Variants in NOVA1 observed in about 807,000 individuals in gnomAD.
NOVA1 encodes NOVA alternative splicing regulator 1.
A neutral mutation model predicts 38.0 loss-of-function variants in NOVA1; 7 were observed. The observed-to-expected ratio is 0.18, with a 90% CI of 0.10 to 0.35. NOVA1 has a LOEUF of 0.35. Among genes scored for constraint, NOVA1 ranks in the 10% least tolerant of loss-of-function variants. The pLI, the probability that NOVA1 is intolerant of heterozygous loss-of-function variation, is 1.00. For synonymous variants in NOVA1, 270 were observed against 232.5 expected (o/e 1.16, Z -1.47); for missense variants, 460 against 616.0 (o/e 0.75, Z 2.68).
chr14:26,584,767 C>A (rs1416736874), intron 2 of NOVA1, among the ~76,000 whole-genome samples: 2 of 151,434 alleles, frequency 1.3e-5, no homozygotes, highest in Non-Finnish European at 3.0e-5. Context: ...AGCTCCTCTT[C>A]GAAGTCTTCT....
At chr14:26,509,119 C>T (rs1887862149) in intron 2 of NOVA1, among the ~76,000 whole-genome samples, 1 of 152,028 alleles carries the variant, frequency 6.6e-6, no homozygotes, top group African/African-American at 2.4e-5. Flanking sequence ...TACAGAATAT[C>T]GCCTTATATT....
At chr14:26,569,175 C>G (rs1892319118) in intron 2 of NOVA1, among the ~76,000 whole-genome samples, 1 of 152,116 alleles carries the variant, frequency 6.6e-6, no homozygotes, top group African/African-American at 2.4e-5. Flanking sequence ...GCAGAACTGT[C>G]AGATAGAGTA....
chr14:26,515,509 G>A (rs2138476284), intron 2 of NOVA1, among the ~76,000 whole-genome samples: 1 of 152,076 alleles, frequency 6.6e-6, no homozygotes, highest in East Asian at 1.9e-4. Context: ...TATGCAAACA[G>A]AGACTCCAAA....
chr14:26,518,237 C>G (rs1445892382), intron 2 of NOVA1, among the ~76,000 whole-genome samples: 1 of 151,932 alleles, frequency 6.6e-6, no homozygotes, highest in Non-Finnish European at 1.5e-5. Flanking sequence ...ATTTCATTTT[C>G]ACAAACACTG....
rs185459954 is a variant in NOVA1 at position 26,461,723 on chromosome 14, G to A, written c.519+10597C>T. On this transcript the variant is annotated intron_variant, in intron 4 of 4. Coordinates refer to ENST00000539517, the MANE Select transcript of NOVA1 (RefSeq NM_002515.3). ...GCGGGCAGATCACCTGAGGTCGAGA[G>A]TTCAAGACCAGCCTGACCAACATGG... 1.5e-4 allele frequency among the ~76,000 whole-genome samples: 22 copies of A among 147,140 alleles called. No homozygotes were observed. In the East Asian group the frequency reaches 4.5e-3, roughly 30 times the overall value.
intron 2 of NOVA1, among the ~76,000 whole-genome samples, chr14:26,534,590 C>T: frequency 6.6e-6 from 1 of 151,848 alleles, no homozygotes; most frequent in South Asian, 2.1e-4. Context: ...TCAATAAAAT[C>T]AATGGAAATA....
chr14:26,535,408 A>G (rs1889993551), intron 2 of NOVA1, among the ~76,000 whole-genome samples: 1 of 152,176 alleles, frequency 6.6e-6, no homozygotes, highest in Non-Finnish European at 1.5e-5. Flanking sequence ...GAAATGTAGC[A>G]ATATACCAGA....
intron 2 of NOVA1, among the ~76,000 whole-genome samples, chr14:26,482,027 T>C (rs775324542): frequency 8.9e-6 from 1 of 111,892 alleles, no homozygotes; most frequent in Non-Finnish European, 1.7e-5. Context: ...TGGCTCTAAA[T>C]AACTAAAGAG....
chr14:26,528,734 A>G (rs1053825740), intron 2 of NOVA1, among the ~76,000 whole-genome samples: 2 of 152,204 alleles, frequency 1.3e-5, no homozygotes, highest in Non-Finnish European at 2.9e-5. Flanking sequence ...AACAAGCCAC[A>G]TAACAAGATT....
rs771515717 is a variant in NOVA1 at position 26,493,168 on chromosome 14, G to A, written c.281-13025C>T. ...AATTATTATAGAATTATAAATTAAA[G>A]AATATCAGAATATCTTAAGAGTTAT... On this transcript the variant is annotated intron_variant, in intron 2 of 4. Coordinates refer to ENST00000539517, the MANE Select transcript of NOVA1 (RefSeq NM_002515.3). Among the ~76,000 whole-genome samples the A allele has an allele frequency of 3.6e-4, 54 of 151,984 alleles. 1 individual carries two copies. The highest frequency in any genetic ancestry group is 6.9e-4 in the Non-Finnish European group (47 of 68,006).
chr14:26,466,090 C>T (rs1884109149), intron 4 of NOVA1, among the ~76,000 whole-genome samples: 1 of 151,966 alleles, frequency 6.6e-6, no homozygotes, highest in Admixed American at 6.6e-5. Flanking sequence ...AAGCAGATCT[C>T]TATGGTAAGA....
chr14:26,448,045 C>T lies in NOVA1; in HGVS notation c.1438G>A (p.Ala480Thr). 1 of 1,614,208 alleles carries T rather than the reference C, an allele frequency of 6.2e-7. No individual in the cohort carries two copies. The highest frequency in any genetic ancestry group is 8.5e-7 in the Non-Finnish European group (1 of 1,180,040). ...ATTAAATATTGAGCAGCCTGTGTTG[C>T]AGCTGGTGTTCCAGTAATGGTTACC... The part of the protein sequence containing the change: ...RKVTITGTPA[A>T]TQAAQYLITQ... The change falls in exon 5 of 5, where the codon GCA becomes ACA. Residue 480 changes from alanine (A) to threonine (T), a missense_variant. Ala to Thr is a moderately conservative substitution (Grantham distance 58). Coordinates refer to ENST00000539517, the MANE Select transcript of NOVA1 (RefSeq NM_002515.3). The surrounding 1 kb of genome is among the most constrained non-coding windows in gnomAD (Gnocchi z 5.3).
chr14:26,485,312 G>C (rs952708979), intron 2 of NOVA1, among the ~76,000 whole-genome samples: 1 of 152,028 alleles, frequency 6.6e-6, no homozygotes, highest in Non-Finnish European at 1.5e-5. Context: ...TATAAAGCCA[G>C]TAAATCTCTC....
intron 2 of NOVA1, among the ~76,000 whole-genome samples, chr14:26,594,998 A>G (rs2138827406): frequency 6.6e-6 from 1 of 152,178 alleles, no homozygotes; most frequent in South Asian, 2.1e-4. Flanking sequence ...TTCAGAAGTA[A>G]ATGGTCCATT....
At chr14:26,517,257 C>A (rs949592897) in intron 2 of NOVA1, among the ~76,000 whole-genome samples, 1 of 152,122 alleles carries the variant, frequency 6.6e-6, no homozygotes, top group Admixed American at 6.6e-5. Context: ...GCTACACCAG[C>A]CTTCTTGAAG....
chr14:26,501,551 T>C (rs1401267817), intron 2 of NOVA1, among the ~76,000 whole-genome samples: 1 of 151,964 alleles, frequency 6.6e-6, no homozygotes, highest in Non-Finnish European at 1.5e-5. Flanking sequence ...GCAATACATA[T>C]GAAGTATAAA....
intron 2 of NOVA1, among the ~76,000 whole-genome samples, chr14:26,523,503 C>T (rs1384675197): frequency 6.6e-6 from 1 of 152,100 alleles, no homozygotes; most frequent in African/African-American, 2.4e-5. Context: ...GTATGGCAAA[C>T]ATTGCCGAGA....
At chr14:26,557,341 A>T in intron 2 of NOVA1, among the ~76,000 whole-genome samples, 1 of 152,116 alleles carries the variant, frequency 6.6e-6, no homozygotes, top group East Asian at 1.9e-4. Context: ...GAACAACAGA[A>T]GGAAATTGCT....
At chr14:26,515,268 G>C (rs1290844159) in intron 2 of NOVA1, among the ~76,000 whole-genome samples, 1 of 151,742 alleles carries the variant, frequency 6.6e-6, no homozygotes, top group African/African-American at 2.4e-5. Context: ...ACCTGGAATT[G>C]TGCAATATGA....
Sources: allele counts gnomAD v4.1 joint callset (sites outside exome capture counted in the v4.1 genomes callset), GRCh38; gene constraint gnomAD v4.1.1; non-coding constraint Gnocchi (gnomAD v3.1); transcripts MANE v1.5; gene names NCBI Gene and HGNC (gene_info 2026-07-23, HGNC 2026-07-21).